ADCY8: variants seen among roughly 807,000 people sequenced by gnomAD.
ADCY8 encodes the protein adenylate cyclase 8.
Under a neutral mutation model 119.7 loss-of-function variants are expected in ADCY8, and 51 were observed. The ratio of observed to expected loss-of-function variants is 0.43; its 90% CI spans 0.34 to 0.54. ADCY8 has a LOEUF of 0.54. Ranked by LOEUF, ADCY8 falls within the 20% of genes least tolerant of loss-of-function variation. ADCY8 has a pLI of 0.03. For missense variants in ADCY8, 1,383 were observed against 1,598.8 expected, an observed-to-expected ratio of 0.87 and a Z score of 2.30; for synonymous variants, 665 against 651.0, an observed-to-expected ratio of 1.02 and a Z score of -0.33.
At chr8:131,032,977 C>A (rs949952793) in intron 1 of ADCY8, among the ~76,000 whole-genome samples, 1 of 152,122 alleles carries the variant, frequency 6.6e-6, no homozygotes, top group African/African-American at 2.4e-5. Flanking sequence ...TTCAATACTG[C>A]CACTAATCTT....
Position 130,999,679 on chromosome 8 carries a change from G to T in ADCY8, c.961-9137C>A, listed in dbSNP as rs187207779. Among the ~76,000 whole-genome samples the T allele has an allele frequency of 5.3e-5, 8 of 152,294 alleles. No homozygotes were observed. In the East Asian group the frequency reaches 1.4e-3, roughly 26 times the overall value. On this transcript the variant is annotated intron_variant, in intron 1 of 17. Coordinates refer to ENST00000286355, the MANE Select transcript of ADCY8 (RefSeq NM_001115.3). ...GCCCAAGCTGTTGAAGGCTAGAAAG[G>T]CCTGCTTTATTCAGAGCGGAAAGAA...
intron 8 of ADCY8, among the ~76,000 whole-genome samples, chr8:130,872,290 T>C (rs756937695): frequency 2.0e-5 from 3 of 152,186 alleles, no homozygotes; most frequent in Non-Finnish European, 4.4e-5. Context: ...TTGAAGAAGG[T>C]CTTGTTTATA....
At chr8:130,967,569 T>A (rs930988188) in intron 2 of ADCY8, among the ~76,000 whole-genome samples, 6 of 152,236 alleles carry the variant, frequency 3.9e-5, no homozygotes, top group African/African-American at 1.4e-4. Flanking sequence ...CCATCAGATA[T>A]GTTTTAATTC....
intron 6 of ADCY8, among the ~76,000 whole-genome samples, chr8:130,909,020 TCCATCCATCCATCCATCCA>T (rs1430555286): frequency 7.5e-5 from 7 of 93,308 alleles, no homozygotes; most frequent in Non-Finnish European, 1.7e-4. Context: ...TTTCTCTATC[TCCATCCATCCATCCATCCA>T]CCATCCATCC....
intron 15 of ADCY8, among the ~76,000 whole-genome samples, chr8:130,790,583 T>C (rs1037739448): frequency 2.6e-5 from 4 of 152,220 alleles, no homozygotes; most frequent in Admixed American, 1.3e-4. Flanking sequence ...GAGTTTGCAG[T>C]TGAGGCTTTT....
chr8:130,999,787 T>G (rs1350359030), intron 1 of ADCY8, among the ~76,000 whole-genome samples: 1 of 152,228 alleles, frequency 6.6e-6, no homozygotes, highest in Non-Finnish European at 1.5e-5. Flanking sequence ...TCTGGGAAAG[T>G]GATCCCTGGA....
At position 130,794,273 on chromosome 8, in the gene ADCY8, C is replaced by A. The variant is rs565525689; in HGVS notation, c.3060+6153G>T. ...TCGTTTGTTTGTTTTGAGACAGAGT[C>A]TTGCACTGTTGCCTGGGCTGGAGTG... On this transcript the variant is annotated intron_variant, in intron 15 of 17. Coordinates refer to ENST00000286355, the MANE Select transcript of ADCY8 (RefSeq NM_001115.3). Among the ~76,000 whole-genome samples the A allele has an allele frequency of 2.0e-5, 3 of 152,320 alleles. No individual in the cohort carries two copies. The South Asian group carries it at 6.2e-4, about 32-fold the overall frequency.
intron 2 of ADCY8, among the ~76,000 whole-genome samples, chr8:130,983,591 C>G (rs921869393): frequency 6.6e-6 from 1 of 152,118 alleles, no homozygotes; most frequent in Non-Finnish European, 1.5e-5. Flanking sequence ...TAGCAAGTGA[C>G]ATGATTGGAA....
intron 2 of ADCY8, among the ~76,000 whole-genome samples, chr8:130,985,043 G>A (rs908703077): frequency 6.6e-6 from 1 of 152,164 alleles, no homozygotes; most frequent in South Asian, 2.1e-4. Context: ...GTGTTTGGAG[G>A]AGGAAGAGGG....
At chr8:130,832,412 G>A (rs1378921238) in intron 12 of ADCY8, among the ~76,000 whole-genome samples, 2 of 152,096 alleles carry the variant, frequency 1.3e-5, no homozygotes, top group Non-Finnish European at 1.5e-5. Flanking sequence ...TAATGTATAG[G>A]AACAACCAGC....
intron 17 of ADCY8, 51 bp from the exon 18 acceptor site, chr8:130,780,928 G>A: frequency 6.3e-7 from 1 of 1,590,684 alleles, no homozygotes; most frequent in East Asian, 2.2e-5. Context: ...GGGGGACAAT[G>A]GGGTGTTTGG....
At chr8:130,933,696 T>A (rs1302570593) in intron 5 of ADCY8, among the ~76,000 whole-genome samples, 1 of 152,184 alleles carries the variant, frequency 6.6e-6, no homozygotes, top group Non-Finnish European at 1.5e-5. Flanking sequence ...AGAAAGGAGA[T>A]CTTAAATTCA....
In ADCY8 at chr8:130,899,734, G is replaced by A. The variant is rs1213129960; in HGVS notation, c.1911+4038C>T. Among the ~76,000 whole-genome samples, 3 of 152,244 alleles carry A rather than the reference G, an allele frequency of 2.0e-5. No homozygotes were observed. The East Asian group carries it at 5.8e-4, about 29-fold the overall frequency. On this transcript the variant is annotated intron_variant, in intron 7 of 17. Coordinates refer to ENST00000286355, the MANE Select transcript of ADCY8 (RefSeq NM_001115.3). The stretch of plus-strand genomic sequence containing the variant: ...AATAACAGAATGAACAATAGCTCAA[G>A]CCCAGATATAGATTTTACTCAGAGC...
intron 2 of ADCY8, among the ~76,000 whole-genome samples, chr8:130,980,106 C>A (rs148980427): frequency 6.6e-6 from 1 of 152,222 alleles, no homozygotes; most frequent in South Asian, 2.1e-4. Context: ...CTTGCAGATG[C>A]CTCGCTCCAA....
intron 1 of ADCY8, among the ~76,000 whole-genome samples, chr8:131,012,553 G>A (rs970889206): frequency 6.6e-6 from 1 of 152,228 alleles, no homozygotes; most frequent in Non-Finnish European, 1.5e-5. Context: ...GGTGGATCCT[G>A]TGATGAGCCA....
intron 1 of ADCY8, among the ~76,000 whole-genome samples, chr8:131,019,607 C>T (rs1464680218): frequency 6.6e-6 from 1 of 152,202 alleles, no homozygotes; most frequent in Non-Finnish European, 1.5e-5. Context: ...TGGACATACA[C>T]ATCCTATTGC....
intron 15 of ADCY8, among the ~76,000 whole-genome samples, chr8:130,794,283 T>C (rs1815511693): frequency 6.6e-6 from 1 of 152,194 alleles, no homozygotes; most frequent in Non-Finnish European, 1.5e-5. Flanking sequence ...CTTGCACTGT[T>C]GCCTGGGCTG....
intron 8 of ADCY8, among the ~76,000 whole-genome samples, chr8:130,872,400 T>A (rs11777032): frequency 0.39 from 58,561 of 152,072 alleles, 11,888 homozygotes; most frequent in East Asian, 0.61. Context: ...TGAGTTTTGC[T>A]CTAGAATGCA....
intron 8 of ADCY8, among the ~76,000 whole-genome samples, chr8:130,869,634 C>T (rs1423736120): frequency 6.6e-6 from 1 of 151,534 alleles, no homozygotes. Context: ...TCTCCTGCCT[C>T]AGCCTCCCGA....
Sources: allele counts gnomAD v4.1 joint callset (sites outside exome capture counted in the v4.1 genomes callset), GRCh38; gene constraint gnomAD v4.1.1; transcripts MANE v1.5; gene names NCBI Gene and HGNC (gene_info 2026-07-23, HGNC 2026-07-21).